Variants in ABCC6 observed in about 807,000 individuals in gnomAD.
ABCC6 encodes the protein ATP binding cassette subfamily C member 6, also known as ATP-binding cassette sub-family C member 6.
A neutral mutation model predicts 169.5 loss-of-function variants in ABCC6; 126 were observed. That is an observed-to-expected ratio of 0.74 (90% confidence interval 0.64 to 0.86). The LOEUF (loss-of-function observed/expected upper bound fraction) is 0.86. ABCC6 is among the 40% of genes least tolerant of loss of function. ABCC6 has a pLI of 0.00. For missense variants in ABCC6, 1,733 were observed against 1,927.2 expected, an observed-to-expected ratio of 0.90 and a Z score of 1.89; for synonymous variants, 752 against 814.7, an observed-to-expected ratio of 0.92 and a Z score of 1.31.
chr16:16,202,163 A>G lies in ABCC6; in HGVS notation c.1014T>C (p.Phe338=), dbSNP rs750740896. The G allele has an allele frequency of 1.9e-6, 3 of 1,613,098 alleles. No individual in the cohort carries two copies. The highest frequency in any genetic ancestry group is 2.5e-6 in the Non-Finnish European group (3 of 1,179,508). ...AGGCTGGAGGCTTGGGATCACCAATAAACTCCAGGAAAAGGCTTGCAGGGG... is the reference window on the plus strand; with the variant it reads ...AGGCTGGAGGCTTGGGATCACCAATGAACTCCAGGAAAAGGCTTGCAGGGG... The part of the protein sequence containing the change: ...VPKLLSLFLE[F]IGDPKPPAWK... The change falls in exon 9 of 31, where the codon TTT becomes TTC. Residue 338 remains phenylalanine, a synonymous_variant. Coordinates refer to ENST00000205557, the MANE Select transcript of ABCC6 (RefSeq NM_001171.6).
chr16:16,181,712 C>G (rs1454273803), intron 17 of ABCC6: 1 of 153,708 alleles, frequency 6.5e-6, no homozygotes, highest in African/African-American at 2.4e-5. Flanking sequence ...ATGGGGAGAT[C>G]ACCTGAGGTC....
intron 24 of ABCC6, 138 bp from the exon 25 acceptor site, chr16:16,161,702 T>A: frequency 8.5e-7 from 1 of 1,177,386 alleles, no homozygotes; most frequent in Non-Finnish European, 1.2e-6. Flanking sequence ...CAACCCAGGC[T>A]CAGGGAGTAG....
At position 16,150,127 on chromosome 16, in the gene ABCC6, C is replaced by A. The variant is rs755189930; in HGVS notation, c.*6G>T. On this transcript the variant is annotated 3_prime_UTR_variant, in exon 31 of 31. Transcript: ENST00000205557. The stretch of plus-strand genomic sequence containing the variant: ...GTCCAACTGGGGTACGGTTGAGGGT[C>A]CTGGCTCAGACCAGGCCTGACTCCT... 3.1e-6 allele frequency: 5 copies of A among 1,612,134 alleles called. No individual in the cohort carries two copies. In the South Asian group the frequency reaches 5.5e-5, roughly 18 times the overall value.
intron 29 of ABCC6, among the ~76,000 whole-genome samples, chr16:16,152,814 C>G (rs1358677199): frequency 1.3e-5 from 2 of 152,124 alleles, no homozygotes; most frequent in Non-Finnish European, 2.9e-5. Flanking sequence ...CGCTGCCTCT[C>G]TAGTGCTGGA....
At position 16,190,168 on chromosome 16, in the gene ABCC6, A is replaced by C; in HGVS notation, c.1631T>G (p.Phe544Cys). ...VSLVSFQVSTFLVALVVFAVH... is the reference protein window; with the variant it reads ...VSLVSFQVSTCLVALVVFAVH... ...TAGAGACTAGAGTGACGTCACCAGAAATGTAGACACTTGGAAGGACACCAG... is the reference window on the plus strand; with the variant it reads ...TAGAGACTAGAGTGACGTCACCAGACATGTAGACACTTGGAAGGACACCAG... Residue 544 changes from phenylalanine (F) to cysteine (C), a missense_variant, in exon 12 of 31, where the codon TTT becomes TGT. Around this residue, in one of 5 missense-constraint regions of ABCC6, gnomAD observed 1,601 missense variants for 1,635.5 expected, o/e 0.98. Coordinates refer to ENST00000205557, the MANE Select transcript of ABCC6 (RefSeq NM_001171.6). The C allele has an allele frequency of 6.2e-7, 1 of 1,613,598 alleles. No individual in the cohort carries two copies. Among genetic ancestry groups the C allele is most frequent in the Non-Finnish European group, 8.5e-7 (1 of 1,179,946 alleles).
At chr16:16,186,174 T>C (rs1423998515) in intron 14 of ABCC6, among the ~76,000 whole-genome samples, 1 of 152,168 alleles carries the variant, frequency 6.6e-6, no homozygotes, top group African/African-American at 2.4e-5. Context: ...GGAGGGTGTC[T>C]TGGCCCGTGG....
intron 27 of ABCC6, among the ~76,000 whole-genome samples, chr16:16,157,395 A>G (rs962427336): frequency 2.0e-5 from 3 of 152,144 alleles, no homozygotes; most frequent in African/African-American, 4.8e-5. Flanking sequence ...TGCCCAGCAC[A>G]TATTAGGTGC....
At chr16:16,196,332 G>A (rs1388941706) in intron 10 of ABCC6, among the ~76,000 whole-genome samples, 1 of 152,134 alleles carries the variant, frequency 6.6e-6, no homozygotes, top group African/African-American at 2.4e-5. Context: ...TGCTTAGTAT[G>A]GTCTACAGCC....
At chr16:16,156,925 AGAGT>A (rs1384255777) in intron 27 of ABCC6, among the ~76,000 whole-genome samples, 2 of 137,316 alleles carry the variant, frequency 1.5e-5, no homozygotes, top group Non-Finnish European at 3.1e-5. Context: ...CCTGGGCAAC[AGAGT>A]GAGACTCTGT....
intron 21 of ABCC6, among the ~76,000 whole-genome samples, chr16:16,170,693 G>A (rs1337037187): frequency 6.6e-6 from 1 of 151,996 alleles, no homozygotes; most frequent in African/African-American, 2.4e-5. Flanking sequence ...CAAGGCGGGT[G>A]TGTCACCTGA....
At chr16:16,165,214 C>G (rs2152227471) in intron 23 of ABCC6, among the ~76,000 whole-genome samples, 1 of 152,304 alleles carries the variant, frequency 6.6e-6, no homozygotes, top group Admixed American at 6.5e-5. Flanking sequence ...AATTCGAGAC[C>G]AGCCTGGGCA....
chr16:16,206,502 A>G (rs949141235), intron 7 of ABCC6, among the ~76,000 whole-genome samples: 6 of 151,800 alleles, frequency 4.0e-5, no homozygotes, highest in Admixed American at 1.3e-4. Flanking sequence ...AGCCGACTGG[A>G]CCAGCAGGTG....
In ABCC6 at chr16:16,182,939, G is replaced by T. The variant is rs59385722; in HGVS notation, c.1944-9C>A. The T allele has an allele frequency of 3.9e-5, 63 of 1,614,018 alleles. 1 individual carries two copies. The highest frequency in any genetic ancestry group is 5.2e-5 in the Non-Finnish European group (61 of 1,180,016). ...GCACCGTGAGGTTTATTCTGGACAC[G>T]CAAGAGGGGAGACATGACCTTGGTT... is the stretch of plus-strand genomic sequence containing the variant. On this transcript the variant is annotated splice_polypyrimidine_tract_variant and intron_variant, in intron 15 of 30. Coordinates refer to ENST00000205557, the MANE Select transcript of ABCC6 (RefSeq NM_001171.6).
Position 16,165,691 on chromosome 16 carries a change from C to A in ABCC6, c.3238G>T (p.Val1080Leu). The change falls in exon 23 of 31, where the codon GTG (valine) becomes TTG (leucine). Residue 1080 changes from valine (V) to leucine (L), a missense_variant. Val to Leu is a conservative substitution (Grantham distance 32). This residue lies in a region of ABCC6 where 1,601 missense variants were observed against 1,635.5 expected (regional missense o/e 0.98). Transcript: ENST00000205557. ...GTGGCCAGTGGGGTAGCCACTGCCA[C>A]CACCAGGCTGACCTCCAGGAGTCCA... Reference protein sequence around the residue: ...AFGLLEVSLVVAVATPLATVA... With the variant: ...AFGLLEVSLVLAVATPLATVA... 1 of 1,613,186 alleles carries A rather than the reference C, an allele frequency of 6.2e-7. No homozygotes were observed. The highest frequency in any genetic ancestry group is 8.5e-7 in the Non-Finnish European group (1 of 1,180,026).
intron 9 of ABCC6, among the ~76,000 whole-genome samples, chr16:16,201,060 G>A (rs573805688): frequency 2.6e-5 from 4 of 152,078 alleles, no homozygotes; most frequent in South Asian, 2.1e-4. Flanking sequence ...TCCACCTCCC[G>A]GGTTCAAGCG....
At chr16:16,160,602 G>A (rs1473569677) in intron 25 of ABCC6, among the ~76,000 whole-genome samples, 1 of 132,972 alleles carries the variant, frequency 7.5e-6, no homozygotes, top group South Asian at 2.4e-4. Context: ...AGACCAGGTT[G>A]GGCAACATGG....
At chr16:16,195,473 C>G (rs990645740) in intron 10 of ABCC6, among the ~76,000 whole-genome samples, 4 of 151,816 alleles carry the variant, frequency 2.6e-5, no homozygotes, top group Admixed American at 2.0e-4. Flanking sequence ...CCACCATGCC[C>G]GGCTAATTTT....
rs764693216 is a variant in ABCC6 at position 16,173,308 on chromosome 16, T to G, written c.2763A>C (p.Gly921=). The G allele has an allele frequency of 3.0e-5, 49 of 1,613,960 alleles. No individual in the cohort carries two copies. The highest frequency in any genetic ancestry group is 4.0e-5 in the African/African-American group (3 of 74,900). ...CCCTGCCGTATTGGATGCTGTCCTT[T>G]CCTGCTGGCCATCCTGCCCTGTCAG... ...DDPDRAGWPA[G]KDSIQYGRVK... Residue 921 remains glycine, a synonymous_variant, in exon 21 of 31, where the codon GGA becomes GGC. Coordinates refer to ENST00000205557, the MANE Select transcript of ABCC6 (RefSeq NM_001171.6).
rs372235202 is a variant in ABCC6, at chr16:16,187,148, C to T, written c.1843G>A (p.Val615Ile). 2.7e-5 allele frequency: 44 copies of T among 1,611,734 alleles called. No homozygotes were observed. Among genetic ancestry groups the T allele is most frequent in the South Asian group, 3.3e-5 (3 of 91,008 alleles). The change falls in exon 14 of 31, where the codon GTA (valine) becomes ATA (isoleucine). Residue 615 changes from valine to isoleucine, a missense_variant. By Grantham distance (29) the Val-to-Ile change is conservative (BLOSUM62 3). Coordinates refer to ENST00000205557, the MANE Select transcript of ABCC6 (RefSeq NM_001171.6). ...CCGCTTCCAGAGGAACTTGAGTCTA[C>T]GACACCAGGGTCAACTTCTTCCAGG... ...LCLEEVDPGV[V>I]DSSSSGSAAG...
Sources: allele counts gnomAD v4.1 joint callset (sites outside exome capture counted in the v4.1 genomes callset), GRCh38; gene constraint gnomAD v4.1.1; regional missense constraint gnomAD v4.1.1; transcripts MANE v1.5; gene names NCBI Gene and HGNC (gene_info 2026-07-23, HGNC 2026-07-21).